Variants in PSMG2 observed in about 807,000 individuals in gnomAD.
The protein encoded by PSMG2 is CD40 ligand-activated specific transcript 3.
Under a neutral mutation model 31.5 loss-of-function variants are expected in PSMG2, and 21 were observed. That is an observed-to-expected ratio of 0.67 (90% CI 0.47 to 0.96). The LOEUF (loss-of-function observed/expected upper bound fraction) is 0.96, where lower values mean the gene tolerates loss of function less well. Among genes scored for constraint, PSMG2 ranks in the 40% least tolerant of loss-of-function variants. PSMG2 has a pLI of 0.00. For missense variants in PSMG2, 318 were observed against 321.2 expected, an observed-to-expected ratio of 0.99 and a Z score of 0.08; for synonymous variants, 120 against 110.4, an observed-to-expected ratio of 1.09 and a Z score of -0.54.
chr18:12,724,641 G>A, intron 6 of PSMG2, 22 bp downstream of exon 6: 1 of 1,570,074 alleles, frequency 6.4e-7, no homozygotes, highest in Non-Finnish European at 8.6e-7. Context: ...TATAGCTTAA[G>A]CCTCTTCTTT....
upstream of PSMG2, among the ~76,000 whole-genome samples, chr18:12,698,156 TTTTATTTATA>T (rs911236877): frequency 3.4e-5 from 5 of 147,040 alleles, no homozygotes; most frequent in African/African-American, 7.6e-5. Context: ...TGACTTTTTA[TTTTATTTATA>T]TTTATTTGTA....
chr18:12,714,616 C>T (rs2040361420), intron 3 of PSMG2, among the ~76,000 whole-genome samples: 1 of 151,952 alleles, frequency 6.6e-6, no homozygotes, highest in Non-Finnish European at 1.5e-5. Context: ...ACCTCACCCT[C>T]CCGAGTAGCT....
chr18:12,706,330 T>C (rs556300360), intron 1 of PSMG2, among the ~76,000 whole-genome samples: 1 of 152,186 alleles, frequency 6.6e-6, no homozygotes, highest in South Asian at 2.1e-4. Context: ...CTACTAAAAA[T>C]ACAAAAATTA....
At chr18:12,698,939 G>A, upstream of PSMG2, 2 of 1,358,100 alleles carry the variant, frequency 1.5e-6, no homozygotes, top group Non-Finnish European at 2.1e-6. Flanking sequence ...ACATAACAAA[G>A]ATTTACTCAA....
At chr18:12,700,548 G>T (rs2040115773), upstream of PSMG2, among the ~76,000 whole-genome samples, 2 of 152,084 alleles carry the variant, frequency 1.3e-5, no homozygotes, top group African/African-American at 4.8e-5. Flanking sequence ...TTTTCTTAAA[G>T]AAATTTGTAA....
chr18:12,724,493 T>C lies in PSMG2; in HGVS notation c.582-6T>C, dbSNP rs757778648. The C allele has an allele frequency of 6.3e-7, 1 of 1,594,468 alleles. No homozygotes were observed. Among genetic ancestry groups the C allele is most frequent in the South Asian group, 1.1e-5 (1 of 87,492 alleles). ...GAATACTGATTCTTATTTTTATTTC[T>C]TGTAGCTGTTCTAAAGAAATCCAAA... is the stretch of plus-strand genomic sequence containing the variant. On this transcript the variant is annotated splice_region_variant and splice_polypyrimidine_tract_variant and intron_variant, in intron 5 of 6. Coordinates refer to ENST00000317615, the MANE Select transcript of PSMG2 (RefSeq NM_020232.5).
At chr18:12,702,432 A>G, upstream of PSMG2, 1 of 1,373,826 alleles carries the variant, frequency 7.3e-7, no homozygotes, top group Non-Finnish European at 1.0e-6. Flanking sequence ...GCCGGGCAGG[A>G]GGGAAAGGTT....
At chr18:12,709,500 A>ATTT (rs113951918) in intron 2 of PSMG2, among the ~76,000 whole-genome samples, 2 of 130,408 alleles carry the variant, frequency 1.5e-5, no homozygotes, top group Admixed American at 7.7e-5. Context: ...TAATTCTTGT[A>ATTT]TTTTTTTTTT....
At chr18:12,686,503 T>G in intron 1 of PSMG2, 4 of 1,326,054 alleles carry the variant, frequency 3.0e-6, no homozygotes, top group Non-Finnish European at 4.2e-6. Flanking sequence ...TCCCCAATTA[T>G]GTTTTTTTCA....
At chr18:12,692,657 ATC>A (rs1415655782) in intron 1 of PSMG2, among the ~76,000 whole-genome samples, 1 of 152,098 alleles carries the variant, frequency 6.6e-6, no homozygotes, top group Admixed American at 6.6e-5. Context: ...ACCTTCTACT[ATC>A]TGATTATTTT....
intron 3 of PSMG2, among the ~76,000 whole-genome samples, chr18:12,713,495 G>A (rs1383012445): frequency 2.0e-5 from 3 of 152,162 alleles, no homozygotes; most frequent in Non-Finnish European, 4.4e-5. Flanking sequence ...GTGAGCGATG[G>A]AAGGAAAGGG....
intron 5 of PSMG2, 40 bp downstream of exon 5, chr18:12,720,723 TAAA>T: frequency 6.3e-7 from 1 of 1,577,172 alleles, no homozygotes; most frequent in Non-Finnish European, 8.6e-7. Context: ...CCACTTTACT[TAAA>T]AATGAAATTA....
chr18:12,694,231 GT>G (rs2039869735), intron 1 of PSMG2, among the ~76,000 whole-genome samples: 1 of 152,210 alleles, frequency 6.6e-6, no homozygotes, highest in South Asian at 2.1e-4. Flanking sequence ...AGGAAAAAAA[GT>G]TTAAAGAAAA....
At chr18:12,672,662 A>AT (rs2038978587) in intron 1 of PSMG2, 14 of 981,778 alleles carry the variant, frequency 1.4e-5, no homozygotes, top group Non-Finnish European at 1.6e-5. Context: ...TATCAGTATC[A>AT]TAACAAAGAG....
upstream of PSMG2, among the ~76,000 whole-genome samples, chr18:12,701,834 A>G (rs368878205): frequency 9.8e-5 from 15 of 152,356 alleles, no homozygotes; most frequent in Admixed American, 7.8e-4. Flanking sequence ...TCAGCGGTAA[A>G]GAAACCCTGA....
At chr18:12,672,553 A>G in intron 1 of PSMG2, 1 of 577,658 alleles carries the variant, frequency 1.7e-6, no homozygotes, top group Non-Finnish European at 2.1e-6. Flanking sequence ...TTTTATCACA[A>G]TGAAAGAAAA....
intron 3 of PSMG2, 67 bp downstream of exon 3, chr18:12,712,827 T>C: frequency 2.4e-6 from 3 of 1,270,442 alleles, no homozygotes; most frequent in Non-Finnish European, 3.4e-6. Flanking sequence ...ACATTAGGGA[T>C]TAAGATTCAA....
At chr18:12,661,294 G>A in intron 1 of PSMG2, 1 of 828,726 alleles carries the variant, frequency 1.2e-6, no homozygotes, top group Non-Finnish European at 1.5e-6. Context: ...GGTGACAAGA[G>A]TGAGCCTTCA....
rs866706058 is a variant in PSMG2, at chr18:12,664,570, A to G, written c.-37+5797A>G. ...GTCTCAAAAAAAACAAAATTTGTAGAGAAGGGGTCTCGGTCTGCTGCCCAA... is the reference window on the plus strand; with the variant it reads ...GTCTCAAAAAAAACAAAATTTGTAGGGAAGGGGTCTCGGTCTGCTGCCCAA... On this transcript the variant is annotated intron_variant, in intron 1 of 6. Transcript: ENST00000585331. 9.1e-4 allele frequency among the ~76,000 whole-genome samples: 139 copies of G among 152,092 alleles called. 1 individual carries two copies. Among genetic ancestry groups the G allele is most frequent in the African/African-American group, 3.2e-3 (132 of 41,530 alleles).
Sources: gnomAD v4.1 joint callset for allele counts (sites outside exome capture counted in the v4.1 genomes callset) on GRCh38, gnomAD v4.1.1 for gene constraint, MANE v1.5 for transcripts, NCBI Gene and HGNC (gene_info 2026-07-23, HGNC 2026-07-21) for gene names.